The following PTPRT variants were observed in gnomAD, a reference collection of about 807,000 sequenced individuals.
PTPRT encodes the protein protein tyrosine phosphatase receptor type T, also known as receptor-type tyrosine-protein phosphatase T.
Under a neutral mutation model 176.8 loss-of-function variants are expected in PTPRT, and 56 were observed. The observed-to-expected ratio is 0.32, with a 90% CI of 0.26 to 0.40. The LOEUF is 0.40. PTPRT is among the 10% of genes least tolerant of loss of function. The pLI, the probability that PTPRT is intolerant of heterozygous loss-of-function variation, is 1.00. For synonymous variants in PTPRT, 783 were observed against 739.0 expected (o/e 1.06, Z -0.96); for missense variants, 1,540 against 1,908.2 (o/e 0.81, Z 3.60).
intron 1 of PTPRT, among the ~76,000 whole-genome samples, chr20:43,146,190 C>T (rs1384719104): frequency 1.3e-5 from 2 of 152,196 alleles, no homozygotes; most frequent in African/African-American, 4.8e-5. Context: ...ATAATCCCCA[C>T]TGACACACTA....
chr20:42,475,811 A>G (rs2071278757), intron 7 of PTPRT, among the ~76,000 whole-genome samples: 1 of 152,204 alleles, frequency 6.6e-6, no homozygotes, highest in African/African-American at 2.4e-5. Context: ...CTCTTAAAGG[A>G]CTAAACAGGA....
intron 6 of PTPRT, among the ~76,000 whole-genome samples, chr20:42,751,802 C>T (rs1262150133): frequency 1.3e-5 from 2 of 152,196 alleles, no homozygotes; most frequent in Non-Finnish European, 2.9e-5. Context: ...AAAGGCTACA[C>T]TGCCGAGCTT....
At chr20:42,151,221 GT>G (rs954307268) in intron 17 of PTPRT, among the ~76,000 whole-genome samples, 20 of 151,932 alleles carry the variant, frequency 1.3e-4, no homozygotes, top group African/African-American at 4.8e-4. Flanking sequence ...TGCCATGGTG[GT>G]TTGCTGCACC....
At position 43,147,656 on chromosome 20, in the gene PTPRT, A is replaced by G. The variant is rs144957002; in HGVS notation, c.88+41990T>C. Reference sequence around the variant, plus strand: ...TATATTGGAGAATTTGATGAAAAGCATAAGAAGACAGAACAGGGAGCAAAA... The same window carrying G: ...TATATTGGAGAATTTGATGAAAAGCGTAAGAAGACAGAACAGGGAGCAAAA... On this transcript the variant is annotated intron_variant, in intron 1 of 30. Transcript: ENST00000373187. Among the ~76,000 whole-genome samples the G allele has an allele frequency of 5.8e-3, 877 of 152,370 alleles. 7 individuals are homozygous for G. Among genetic ancestry groups the G allele is most frequent in the African/African-American group, 0.02 (835 of 41,588 alleles).
chr20:42,267,630 G>A (rs1240196421), intron 13 of PTPRT, among the ~76,000 whole-genome samples: 6 of 152,160 alleles, frequency 3.9e-5, no homozygotes, highest in African/African-American at 9.6e-5. Context: ...TGGGGTTGAC[G>A]TGCTGCTGGC....
intron 1 of PTPRT, among the ~76,000 whole-genome samples, chr20:43,027,215 C>T (rs372620384): frequency 1.9e-3 from 289 of 152,260 alleles, no homozygotes; most frequent in African/African-American, 6.1e-3. Flanking sequence ...CGGTGATTCA[C>T]GCCTGTAATC....
intron 1 of PTPRT, among the ~76,000 whole-genome samples, chr20:43,158,713 C>T (rs996026883): frequency 2.0e-5 from 3 of 152,162 alleles, no homozygotes; most frequent in Admixed American, 1.3e-4. Context: ...TACTGGTACT[C>T]ACCAAGGACA....
rs541113774 is a variant in PTPRT at position 42,202,288 on chromosome 20, G to A, written c.2343-2900C>T. ...CCCAGCCGAGAAAGTTTCTTTATACGTCTCGTTTTGGCCATAATTTGGAGA... is the reference window on the plus strand; with the variant it reads ...CCCAGCCGAGAAAGTTTCTTTATACATCTCGTTTTGGCCATAATTTGGAGA... On this transcript the variant is annotated intron_variant, in intron 15 of 30. Transcript: ENST00000373187. Among the ~76,000 whole-genome samples, 26 of 152,194 alleles carry A rather than the reference G, an allele frequency of 1.7e-4. 1 individual carries two copies. The South Asian group carries it at 5.0e-3, about 29-fold the overall frequency.
chr20:42,886,340 A>G (rs1453553454), intron 1 of PTPRT, among the ~76,000 whole-genome samples: 1 of 152,190 alleles, frequency 6.6e-6, no homozygotes, highest in South Asian at 2.1e-4. Context: ...CTAGACAGCC[A>G]TCACCTTCAC....
intron 1 of PTPRT, among the ~76,000 whole-genome samples, chr20:43,010,014 A>C (rs1985040214): frequency 6.6e-6 from 1 of 152,138 alleles, no homozygotes. Context: ...CTTCCTTCTT[A>C]GTCTTCCAGT....
intron 2 of PTPRT, among the ~76,000 whole-genome samples, chr20:42,885,412 T>C (rs1050672701): frequency 6.6e-5 from 10 of 150,562 alleles, no homozygotes; most frequent in Non-Finnish European, 1.2e-4. Flanking sequence ...AACCTTATAA[T>C]AGTCTGTACT....
At chr20:43,133,040 T>C (rs2013696826) in intron 1 of PTPRT, among the ~76,000 whole-genome samples, 1 of 114,092 alleles carries the variant, frequency 8.8e-6, no homozygotes, top group African/African-American at 3.3e-5. Flanking sequence ...CAGAAAGAGA[T>C]AGCATAAATA....
intron 15 of PTPRT, among the ~76,000 whole-genome samples, chr20:42,230,083 T>C (rs979795543): frequency 1.4e-4 from 22 of 152,102 alleles, no homozygotes; most frequent in Non-Finnish European, 2.2e-4. Flanking sequence ...AAAGGCGCCA[T>C]TCCCACAGGT....
At chr20:43,031,944 G>T (rs997425365) in intron 1 of PTPRT, among the ~76,000 whole-genome samples, 4 of 152,070 alleles carry the variant, frequency 2.6e-5, no homozygotes, top group African/African-American at 9.7e-5. Context: ...CTTCTTCCCT[G>T]CCCCAGTCAA....
At chr20:42,435,181 C>T (rs920236682) in intron 9 of PTPRT, among the ~76,000 whole-genome samples, 1 of 152,082 alleles carries the variant, frequency 6.6e-6, no homozygotes, top group Non-Finnish European at 1.5e-5. Flanking sequence ...CTTGCTTGTA[C>T]ATGTGTATCC....
intron 7 of PTPRT, among the ~76,000 whole-genome samples, chr20:42,666,183 G>T (rs950059748): frequency 1.3e-5 from 2 of 152,076 alleles, no homozygotes; most frequent in Admixed American, 1.3e-4. Flanking sequence ...TTGTTTATAA[G>T]ACCAATCACA....
intron 9 of PTPRT, among the ~76,000 whole-genome samples, chr20:42,368,236 A>G (rs1490843732): frequency 6.6e-6 from 1 of 152,208 alleles, no homozygotes; most frequent in African/African-American, 2.4e-5. Context: ...AGGAAAAATG[A>G]ACACAAATTC....
chr20:42,795,620 C>A (rs1309319616), intron 2 of PTPRT, among the ~76,000 whole-genome samples: 1 of 152,214 alleles, frequency 6.6e-6, no homozygotes, highest in South Asian at 2.1e-4. Context: ...CCCGCCAGCT[C>A]CCAGTGCCAG....
chr20:42,796,465 A>G (rs1351890847), intron 2 of PTPRT, among the ~76,000 whole-genome samples: 1 of 152,142 alleles, frequency 6.6e-6, no homozygotes, highest in African/African-American at 2.4e-5. Context: ...CATTTTATAA[A>G]CTCCAGTAGG....
Sources: allele counts gnomAD v4.1 joint callset (sites outside exome capture counted in the v4.1 genomes callset), GRCh38; gene constraint gnomAD v4.1.1; transcripts MANE v1.5; gene names NCBI Gene and HGNC (gene_info 2026-07-23, HGNC 2026-07-21).